The following MEP1A variants were observed in gnomAD, a reference collection of about 807,000 sequenced individuals.
MEP1A encodes the protein N-benzoyl-L-tyrosyl-P-amino-benzoic acid hydrolase subunit alpha.
MEP1A carries 68 observed loss-of-function variants against 84.5 expected under a neutral mutation model. The ratio of observed to expected loss-of-function variants is 0.80; its 90% confidence interval spans 0.66 to 0.98. MEP1A has a LOEUF of 0.98. Among genes scored for constraint, MEP1A ranks in the 50% least tolerant of loss-of-function variants. The pLI is 0.00. For synonymous variants in MEP1A, 337 were observed against 336.8 expected (o/e 1.00, Z -0.01); for missense variants, 887 against 919.9 (o/e 0.96, Z 0.46).
intron 7 of MEP1A, among the ~76,000 whole-genome samples, chr6:46,820,281 T>C (rs1243849444): frequency 6.6e-6 from 1 of 152,234 alleles, no homozygotes; most frequent in Non-Finnish European, 1.5e-5. Flanking sequence ...TCTTCCTTGT[T>C]TCTAAGCACC....
intron 7 of MEP1A, among the ~76,000 whole-genome samples, chr6:46,820,502 T>C (rs979930832): frequency 1.3e-5 from 2 of 152,200 alleles, no homozygotes; most frequent in African/African-American, 4.8e-5. Context: ...GCGATTCTCC[T>C]GCCTCAGGGA....
intron 13 of MEP1A, among the ~76,000 whole-genome samples, chr6:46,837,234 G>T (rs965255658): frequency 2.6e-5 from 4 of 152,124 alleles, no homozygotes; most frequent in African/African-American, 9.7e-5. Context: ...TTATGTGATT[G>T]TTTATTCACA....
At chr6:46,836,416 C>A (rs1768219146) in intron 13 of MEP1A, among the ~76,000 whole-genome samples, 1 of 151,964 alleles carries the variant, frequency 6.6e-6, no homozygotes, top group South Asian at 2.1e-4. Context: ...TTTTAGTCTC[C>A]TTTTTTTTCT....
At chr6:46,820,744 A>G (rs1029078235) in intron 7 of MEP1A, among the ~76,000 whole-genome samples, 1 of 152,158 alleles carries the variant, frequency 6.6e-6, no homozygotes, top group Admixed American at 6.5e-5. Context: ...TGAGTACACT[A>G]AAACATTTAT....
At chr6:46,807,088 C>T (rs1482817510) in intron 5 of MEP1A, among the ~76,000 whole-genome samples, 1 of 151,766 alleles carries the variant, frequency 6.6e-6, no homozygotes, top group Non-Finnish European at 1.5e-5. Flanking sequence ...CAAAGGAATT[C>T]CTAAACTGAA....
intron 6 of MEP1A, among the ~76,000 whole-genome samples, chr6:46,815,567 G>C (rs1374315126): frequency 2.0e-5 from 3 of 152,146 alleles, no homozygotes; most frequent in Non-Finnish European, 4.4e-5. Context: ...AGCATCTCAG[G>C]CAACCTGCAG....
intron 7 of MEP1A, among the ~76,000 whole-genome samples, chr6:46,821,435 T>C (rs2150750451): frequency 6.6e-6 from 1 of 152,338 alleles, no homozygotes. Context: ...TCAGACTTCA[T>C]GTACCTATCT....
chr6:46,795,191 C>T (rs538898149), intron 3 of MEP1A, among the ~76,000 whole-genome samples: 64 of 152,324 alleles, frequency 4.2e-4, no homozygotes, highest in Admixed American at 1.4e-3. Context: ...TCTAGATTTT[C>T]GGCTCAGAAT....
At chr6:46,828,236 G>GT (rs373814374) in intron 9 of MEP1A, among the ~76,000 whole-genome samples, 4,480 of 142,478 alleles carry the variant, frequency 0.031, 187 homozygotes, top group African/African-American at 0.088. Flanking sequence ...CTTGTGCGCT[G>GT]TTTTTTTTTT....
chr6:46,824,868 ATAGAT>A (rs1562113608), intron 7 of MEP1A, among the ~76,000 whole-genome samples: 2 of 57,346 alleles, frequency 3.5e-5, no homozygotes, highest in African/African-American at 2.6e-4. Context: ...ATATATTTAA[ATAGAT>A]CTATTTAAAT....
chr6:46,800,178 T>G (rs528512977), intron 5 of MEP1A, among the ~76,000 whole-genome samples: 15 of 152,326 alleles, frequency 9.8e-5, no homozygotes, highest in Admixed American at 3.3e-4. Flanking sequence ...AACACCAACT[T>G]TAAAAGGGGT....
intron 6 of MEP1A, among the ~76,000 whole-genome samples, chr6:46,816,102 A>G (rs1237952915): frequency 6.6e-6 from 1 of 151,678 alleles, no homozygotes; most frequent in African/African-American, 2.4e-5. Flanking sequence ...ATGCTTGGCT[A>G]ATTTTTGTAT....
chr6:46,807,763 G>GAA (rs397773341), intron 5 of MEP1A, among the ~76,000 whole-genome samples: 1 of 109,414 alleles, frequency 9.1e-6, no homozygotes, highest in African/African-American at 3.8e-5. Context: ...AGGAAGGAAG[G>GAA]GAGAAAGGAA....
the MEP1A span, among the ~76,000 whole-genome samples, chr6:46,845,449 G>C: frequency 1.3e-5 from 2 of 152,220 alleles, no homozygotes; most frequent in Admixed American, 1.3e-4. Context: ...ATCTGTATTA[G>C]AGAAATAAAC....
chr6:46,798,116 C>T (rs1004894634), intron 3 of MEP1A, among the ~76,000 whole-genome samples: 2 of 151,758 alleles, frequency 1.3e-5, no homozygotes, highest in African/African-American at 4.8e-5. Context: ...TACAGGTGCA[C>T]GCCACCATGC....
intron 6 of MEP1A, among the ~76,000 whole-genome samples, chr6:46,816,120 A>G (rs1405434942): frequency 1.3e-5 from 2 of 151,790 alleles, no homozygotes; most frequent in Non-Finnish European, 2.9e-5. Flanking sequence ...TATTTTTAGT[A>G]GAGATGGGGG....
rs908162853 is a variant in MEP1A, at chr6:46,834,895, C to T, written c.1783+144C>T. ...GAGAATCACATTTTATTCAATTGGT[C>T]AAGGACTCACATCTTTATTTTAATT... is the stretch of plus-strand genomic sequence containing the variant. On this transcript the variant is annotated intron_variant, in intron 12 of 13. Coordinates refer to ENST00000230588, the MANE Select transcript of MEP1A (RefSeq NM_005588.3). 27 of 632,448 alleles carry T rather than the reference C, an allele frequency of 4.3e-5. No individual in the cohort carries two copies. In the African/African-American group the frequency reaches 5.0e-4, roughly 12 times the overall value. The allele number at this position is 632,448 out of a possible 1,614,324, so 39.2% of individuals were successfully genotyped here. A position where few individuals can be genotyped will look rare whatever the true frequency, so the allele number is the denominator to read the frequency against.
chr6:46,812,539 A>G lies in MEP1A; in HGVS notation c.380+3002A>G, dbSNP rs563758703. Among the ~76,000 whole-genome samples the G allele has an allele frequency of 4.0e-5, 6 of 151,638 alleles. No homozygotes were observed. In the South Asian group the frequency reaches 6.2e-4, roughly 16 times the overall value. The stretch of plus-strand genomic sequence containing the variant: ...GATTTGGATTGTTCTTGTTTCTCCA[A>G]TTCTGTGTGGTGTAACCTTAGATTG... On this transcript the variant is annotated intron_variant, in intron 6 of 13. Coordinates refer to ENST00000230588, the MANE Select transcript of MEP1A (RefSeq NM_005588.3).
At chr6:46,807,540 G>T (rs1581668557) in intron 5 of MEP1A, among the ~76,000 whole-genome samples, 4 of 44,462 alleles carry the variant, frequency 9.0e-5, no homozygotes, top group East Asian at 4.4e-4. Flanking sequence ...AAGAAAGAAA[G>T]AAAGAAAGAA....
Sources: gnomAD v4.1 joint callset for allele counts (sites outside exome capture counted in the v4.1 genomes callset) on GRCh38, gnomAD v4.1.1 for gene constraint, MANE v1.5 for transcripts, NCBI Gene and HGNC (gene_info 2026-07-23, HGNC 2026-07-21) for gene names.